RBPMS2: variants seen among roughly 807,000 people sequenced by gnomAD.
RBPMS2 encodes RNA binding protein, mRNA processing factor 2, also known as RNA-binding protein with multiple splicing 2.
Under a neutral mutation model 25.7 loss-of-function variants are expected in RBPMS2, and 14 were observed. That is an observed-to-expected ratio of 0.55 (90% confidence interval 0.36 to 0.85). The LOEUF is 0.85. RBPMS2 is among the 40% of genes least tolerant of loss of function. The pLI is 0.01. For missense variants in RBPMS2, 252 were observed against 283.4 expected, an observed-to-expected ratio of 0.89 and a Z score of 0.80; for synonymous variants, 127 against 115.6, an observed-to-expected ratio of 1.10 and a Z score of -0.63.
Position 64,740,389 on chromosome 15 carries a change from G to A in RBPMS2, c.*619C>T, listed in dbSNP as rs1450861377. The A allele has an allele frequency of 6.6e-6, 1 of 152,302 alleles. No individual in the cohort carries two copies. The allele number at this position is 152,302 out of a possible 1,614,324, so 9.4% of individuals were successfully genotyped here. A position where few individuals can be genotyped will look rare whatever the true frequency, so the allele number is the denominator to read the frequency against. Reference sequence around the variant, plus strand: ...TTCTTACGACTGTTGGCCCATCCGAGAAGGCAGGAGCGGAGGAGCCCCATG... The same window carrying A: ...TTCTTACGACTGTTGGCCCATCCGAAAAGGCAGGAGCGGAGGAGCCCCATG... On this transcript the variant is annotated 3_prime_UTR_variant, in exon 8 of 8. Coordinates refer to ENST00000300069, the MANE Select transcript of RBPMS2 (RefSeq NM_194272.3).
At chr15:64,750,292 C>T (rs1399658346) in intron 3 of RBPMS2, 51 bp downstream of exon 3, 6 of 1,542,608 alleles carry the variant, frequency 3.9e-6, no homozygotes, top group Non-Finnish European at 4.5e-6. Flanking sequence ...TTGTTTGAAG[C>T]TCAGCAGCCG....
At chr15:64,773,751 G>A (rs565887965) in intron 1 of RBPMS2, among the ~76,000 whole-genome samples, 22 of 152,088 alleles carry the variant, frequency 1.4e-4, no homozygotes, top group African/African-American at 5.3e-4. Context: ...CTCTCCCCCA[G>A]TTTCAGCCCA....
intron 1 of RBPMS2, among the ~76,000 whole-genome samples, chr15:64,758,905 G>A (rs1224644752): frequency 2.0e-5 from 3 of 152,198 alleles, no homozygotes; most frequent in African/African-American, 7.2e-5. Context: ...GACCTAGAGT[G>A]CCTGGGAGCT....
At position 64,748,687 on chromosome 15, in the gene RBPMS2, CCA is replaced by C. The variant is rs796896846; in HGVS notation, c.419-122_419-121del. On this transcript the variant is annotated intron_variant, in intron 5 of 7. Transcript: ENST00000300069. ...CACACTGAGGCCAGACCACCCCCAACCACAGAGGACCCCGAGACCAGGCAAGG... is the reference window on the plus strand; with the variant it reads ...CACACTGAGGCCAGACCACCCCCAACCAGAGGACCCCGAGACCAGGCAAGG... 49 of 1,216,962 alleles carry C rather than the reference CCA, an allele frequency of 4.0e-5. No individual in the cohort carries two copies. The South Asian group carries it at 7.7e-4, about 19-fold the overall frequency. 75.4% of individuals were successfully genotyped at this position (1,216,962 alleles called of 1,614,324 possible). A position where few individuals can be genotyped will look rare whatever the true frequency, so the allele number is the denominator to read the frequency against.
chr15:64,749,185 TC>T (rs1346789453), intron 4 of RBPMS2, 35 bp from the exon 5 acceptor site: 2 of 1,612,340 alleles, frequency 1.2e-6, no homozygotes, highest in African/African-American at 2.7e-5. Flanking sequence ...AAAGGCTTAC[TC>T]CGGGGGACCC....
intron 6 of RBPMS2, among the ~76,000 whole-genome samples, chr15:64,744,715 A>G (rs2083598226): frequency 6.6e-6 from 1 of 151,150 alleles, no homozygotes; most frequent in Admixed American, 6.6e-5. Context: ...ACAATGGTGT[A>G]CTAGCCAGGT....
At chr15:64,741,733 G>A (rs1020470634) in intron 6 of RBPMS2, among the ~76,000 whole-genome samples, 1 of 152,240 alleles carries the variant, frequency 6.6e-6, no homozygotes, top group Non-Finnish European at 1.5e-5. Context: ...AGGTAAGACA[G>A]GATGTAAAGA....
intron 1 of RBPMS2, among the ~76,000 whole-genome samples, chr15:64,763,184 G>A (rs1452139009): frequency 2.0e-5 from 3 of 152,110 alleles, no homozygotes; most frequent in East Asian, 1.9e-4. Context: ...GCCACTTGAC[G>A]TGAGGTGGAT....
intron 6 of RBPMS2, among the ~76,000 whole-genome samples, chr15:64,742,393 C>G (rs886704917): frequency 6.6e-6 from 1 of 152,228 alleles, no homozygotes; most frequent in Non-Finnish European, 1.5e-5. Context: ...AGATCATCCT[C>G]ACCAGTGCCT....
chr15:64,750,874 C>A (rs1463616861), intron 2 of RBPMS2, among the ~76,000 whole-genome samples: 2 of 151,374 alleles, frequency 1.3e-5, no homozygotes, highest in Non-Finnish European at 2.9e-5. Flanking sequence ...CCCATCTCTA[C>A]TAAAAATACA....
chr15:64,772,905 AAAGCCTATAGGT>A (rs1412185986), intron 1 of RBPMS2, among the ~76,000 whole-genome samples: 44 of 152,214 alleles, frequency 2.9e-4, no homozygotes, highest in African/African-American at 1.0e-3. Flanking sequence ...TGACATGGAT[AAAGCCTATAGGT>A]AAGGTAGTCA....
At chr15:64,763,879 G>A (rs1329201003) in intron 1 of RBPMS2, among the ~76,000 whole-genome samples, 1 of 152,108 alleles carries the variant, frequency 6.6e-6, no homozygotes, top group East Asian at 1.9e-4. Context: ...GAGGGACAGG[G>A]CTGGGCAGGT....
At chr15:64,762,231 C>T (rs901959621) in intron 1 of RBPMS2, among the ~76,000 whole-genome samples, 1 of 152,066 alleles carries the variant, frequency 6.6e-6, no homozygotes, top group Non-Finnish European at 1.5e-5. Context: ...GGGGTGGTCC[C>T]ACTGGATGAT....
intron 5 of RBPMS2, among the ~76,000 whole-genome samples, 172 bp from the exon 6 acceptor site, chr15:64,748,739 T>A (rs1233932454): frequency 6.6e-6 from 1 of 151,646 alleles, no homozygotes; most frequent in Non-Finnish European, 1.5e-5. Flanking sequence ...CGGCCTGTCA[T>A]GGTGTGCATC....
chr15:64,746,868 G>A (rs2083621763), intron 6 of RBPMS2, among the ~76,000 whole-genome samples: 1 of 152,192 alleles, frequency 6.6e-6, no homozygotes, highest in African/African-American at 2.4e-5. Flanking sequence ...GGGATCAGAG[G>A]TGAGAAGCCC....
At chr15:64,751,970 CTT>C (rs1194781208) in intron 1 of RBPMS2, among the ~76,000 whole-genome samples, 2 of 136,988 alleles carry the variant, frequency 1.5e-5, no homozygotes, top group Non-Finnish European at 1.6e-5. Context: ...TTTTTTTTTT[CTT>C]TTTTTTTTTT....
At chr15:64,741,761 C>T (rs2083564375) in intron 6 of RBPMS2, among the ~76,000 whole-genome samples, 2 of 152,214 alleles carry the variant, frequency 1.3e-5, no homozygotes, top group Non-Finnish European at 2.9e-5. Flanking sequence ...AGGCCGGGTG[C>T]AGTGGCACAC....
chr15:64,760,381 C>T (rs74022321), intron 1 of RBPMS2, among the ~76,000 whole-genome samples: 3,393 of 152,322 alleles, frequency 0.022, 133 homozygotes, highest in African/African-American at 0.078. Flanking sequence ...ATACTGTGAC[C>T]ATGAGGACAA....
intron 1 of RBPMS2, among the ~76,000 whole-genome samples, chr15:64,774,968 G>C (rs1011613739): frequency 3.3e-5 from 5 of 150,832 alleles, no homozygotes; most frequent in Admixed American, 1.3e-4. Flanking sequence ...CGCCCACCGC[G>C]GGACGCCCGG....
Sources: allele counts gnomAD v4.1 joint callset (sites outside exome capture counted in the v4.1 genomes callset), GRCh38; gene constraint gnomAD v4.1.1; transcripts MANE v1.5; gene names NCBI Gene and HGNC (gene_info 2026-07-23, HGNC 2026-07-21).